LPP: variants seen among roughly 807,000 people sequenced by gnomAD.
The protein encoded by LPP is lipoma-preferred partner.
In LPP, 38 loss-of-function variants were observed where a neutral mutation model predicts 60.4. The observed-to-expected ratio is 0.63, with a 90% confidence interval of 0.49 to 0.83. The LOEUF is 0.83. Among genes scored for constraint, LPP ranks in the 40% least tolerant of loss-of-function variants. The probability of loss-of-function intolerance (pLI) is 0.00; values close to 1 mark genes in which losing one functional copy is unlikely to be tolerated. For missense variants in LPP, 902 were observed against 783.6 expected, an observed-to-expected ratio of 1.15 and a Z score of -1.80; for synonymous variants, 328 against 290.8, an observed-to-expected ratio of 1.13 and a Z score of -1.30.
chr3:188,241,704 T>C (rs2149472471), intron 2 of LPP, among the ~76,000 whole-genome samples: 1 of 152,168 alleles, frequency 6.6e-6, no homozygotes, highest in African/African-American at 2.4e-5. Context: ...GGACAACCTA[T>C]TTTTAAAGAA....
intron 6 of LPP, among the ~76,000 whole-genome samples, chr3:188,546,594 G>A (rs1003236525): frequency 2.6e-5 from 4 of 152,090 alleles, no homozygotes; most frequent in Non-Finnish European, 4.4e-5. Context: ...GGGAGTCTAC[G>A]GAATCTAGGG....
chr3:188,624,566 G>A (rs965411576), intron 7 of LPP, among the ~76,000 whole-genome samples: 10 of 152,156 alleles, frequency 6.6e-5, no homozygotes, highest in Non-Finnish European at 1.0e-4. Context: ...ATGGAAGTGC[G>A]AACCTGATCA....
Position 188,528,343 on chromosome 3 carries a change from CT to C in LPP, c.429+3565del, listed in dbSNP as rs74521384. Among the ~76,000 whole-genome samples, 279 of 151,032 alleles carry C rather than the reference CT, an allele frequency of 1.8e-3. 11 individuals carry two copies. The East Asian group carries it at 0.05, about 27-fold the overall frequency. On this transcript the variant is annotated intron_variant, in intron 6 of 11. Coordinates refer to ENST00000617246, the MANE Select transcript of LPP (RefSeq NM_001375462.1). The stretch of plus-strand genomic sequence containing the variant: ...TGCCCTGCCCCTCCCCGCCCCCCAG[CT>C]TTTTTTTTAAACGGAGCTTTCATTT...
intron 7 of LPP, among the ~76,000 whole-genome samples, chr3:188,636,759 C>T (rs567293035): frequency 1.6e-4 from 25 of 152,012 alleles, no homozygotes; most frequent in South Asian, 6.3e-4. Context: ...CCCTGACCCC[C>T]GAGCAGCCTA....
Position 188,219,444 on chromosome 3 carries a change from A to G in LPP, c.-189-5961A>G, listed in dbSNP as rs78771837. Among the ~76,000 whole-genome samples the G allele has an allele frequency of 4.1e-3, 618 of 150,326 alleles. 46 individuals are homozygous for G. The East Asian group carries it at 0.11, about 27-fold the overall frequency. ...CTATGAAATAGGTGTAGATTTTCTT[A>G]CCTCTGAAGTCATAGCCAGGGAACA... On this transcript the variant is annotated intron_variant, in intron 1 of 11. Coordinates refer to ENST00000617246, the MANE Select transcript of LPP (RefSeq NM_001375462.1).
intron 6 of LPP, among the ~76,000 whole-genome samples, chr3:188,577,155 C>G (rs1460557523): frequency 6.6e-6 from 1 of 152,150 alleles, no homozygotes; most frequent in Non-Finnish European, 1.5e-5. Context: ...TTCTGCCTCA[C>G]ACTTTCTAGA....
At chr3:188,232,084 C>T (rs1720199942) in intron 2 of LPP, among the ~76,000 whole-genome samples, 1 of 152,186 alleles carries the variant, frequency 6.6e-6, no homozygotes, top group Admixed American at 6.5e-5. Context: ...TTCTCTTCCC[C>T]CGACCAAAGC....
chr3:188,800,242 C>CT (rs1170703897), intron 9 of LPP, among the ~76,000 whole-genome samples: 3 of 69,654 alleles, frequency 4.3e-5, no homozygotes, highest in Admixed American at 1.7e-4. Context: ...AATGTTGAAG[C>CT]TTTCTTTTTT....
At chr3:188,240,337 G>A (rs575764273) in intron 2 of LPP, among the ~76,000 whole-genome samples, 2 of 150,028 alleles carry the variant, frequency 1.3e-5, no homozygotes, top group East Asian at 1.9e-4. Flanking sequence ...GGAGTTTTGG[G>A]TAAGAGTGTG....
rs890889398 is a variant in LPP at position 188,584,736 on chromosome 3, T to TC, written c.430-24423dup. Among the ~76,000 whole-genome samples the TC allele has an allele frequency of 3.3e-5, 5 of 152,098 alleles. 1 individual carries two copies. The highest frequency in any genetic ancestry group is 1.5e-5 in the Non-Finnish European group (1 of 68,006). On this transcript the variant is annotated intron_variant, in intron 6 of 11. Coordinates refer to ENST00000617246, the MANE Select transcript of LPP (RefSeq NM_001375462.1). ...GTCTCTCTTTCTTCTTCTTTTTTTT[T>TC]CCTTTCATTTTCTTTATTTGGGTCT...
chr3:188,476,565 G>T (rs1202031705), intron 4 of LPP, among the ~76,000 whole-genome samples: 1 of 152,164 alleles, frequency 6.6e-6, no homozygotes, highest in Admixed American at 6.5e-5. Flanking sequence ...TTTAGTAGCA[G>T]TAGCATATGA....
At chr3:188,657,256 G>GTTTATATATATATATATATATATATA in intron 7 of LPP, among the ~76,000 whole-genome samples, 1 of 5,784 alleles carries the variant, frequency 1.7e-4, no homozygotes, top group Non-Finnish European at 3.3e-4. Context: ...AGCTGTCAAG[G>GTTTATATATATATATATATATATATA]TGTATATATA....
chr3:188,503,638 C>T (rs1812580141), intron 5 of LPP, among the ~76,000 whole-genome samples: 9 of 140,926 alleles, frequency 6.4e-5, no homozygotes, highest in Admixed American at 5.6e-4. Flanking sequence ...ACTCTCTCAC[C>T]TCTTTTTTTT....
At chr3:188,544,473 C>T (rs1341080166) in intron 6 of LPP, among the ~76,000 whole-genome samples, 2 of 151,792 alleles carry the variant, frequency 1.3e-5, no homozygotes, top group Non-Finnish European at 2.9e-5. Flanking sequence ...CAAAAGAAGA[C>T]ATTTATGCAG....
chr3:188,474,957 A>G (rs548040719), intron 4 of LPP, among the ~76,000 whole-genome samples: 85 of 152,320 alleles, frequency 5.6e-4, no homozygotes, highest in Middle Eastern at 3.4e-3. Flanking sequence ...CAAAAGTGCT[A>G]TTTGGTTCTA....
At chr3:188,699,492 G>A (rs1393414814) in intron 7 of LPP, among the ~76,000 whole-genome samples, 3 of 152,220 alleles carry the variant, frequency 2.0e-5, no homozygotes, top group Admixed American at 2.0e-4. Context: ...AAGGGAATAT[G>A]AGGAAGTAGA....
chr3:188,629,433 A>C (rs536595361), intron 7 of LPP, among the ~76,000 whole-genome samples: 2 of 152,086 alleles, frequency 1.3e-5, no homozygotes, highest in Non-Finnish European at 2.9e-5. Flanking sequence ...ATAATGTCCA[A>C]ACTGAGACCC....
At chr3:188,397,762 C>T (rs1781311855) in intron 3 of LPP, among the ~76,000 whole-genome samples, 1 of 151,942 alleles carries the variant, frequency 6.6e-6, no homozygotes, top group Admixed American at 6.6e-5. Context: ...TACAGGTGTG[C>T]ACCTCTGTGC....
Position 188,756,558 on chromosome 3 carries a change from A to G in LPP, c.1241-3555A>G, listed in dbSNP as rs536696291. Among the ~76,000 whole-genome samples the G allele has an allele frequency of 5.1e-4, 78 of 152,320 alleles. 1 individual carries two copies. Among genetic ancestry groups the G allele is most frequent in the African/African-American group, 1.8e-3 (73 of 41,572 alleles). On this transcript the variant is annotated intron_variant, in intron 8 of 11. Coordinates refer to ENST00000617246, the MANE Select transcript of LPP (RefSeq NM_001375462.1). Reference sequence around the variant, plus strand: ...GGTAAGTGCCTCTAGAGGCAAGCATACACTATGCTTGAGTAACTTTCTCTC... The same window carrying G: ...GGTAAGTGCCTCTAGAGGCAAGCATGCACTATGCTTGAGTAACTTTCTCTC...
Sources: allele counts gnomAD v4.1 joint callset (sites outside exome capture counted in the v4.1 genomes callset), GRCh38; gene constraint gnomAD v4.1.1; transcripts MANE v1.5; gene names NCBI Gene and HGNC (gene_info 2026-07-23, HGNC 2026-07-21).